Variants in DPP10 observed in about 807,000 individuals in gnomAD.
The protein encoded by DPP10 is dipeptidyl peptidase like 10, also known as inactive dipeptidyl peptidase 10.
DPP10 carries 33 observed loss-of-function variants against 120.9 expected under a neutral mutation model. The observed-to-expected ratio is 0.27, with a 90% CI of 0.21 to 0.37. The LOEUF (loss-of-function observed/expected upper bound fraction) is 0.37. Ranked by LOEUF, DPP10 falls within the 10% of genes least tolerant of loss-of-function variation. DPP10 has a pLI of 1.00. For missense variants in DPP10, 816 were observed against 942.8 expected, an observed-to-expected ratio of 0.87 and a Z score of 1.76; for synonymous variants, 337 against 326.1, an observed-to-expected ratio of 1.03 and a Z score of -0.36.
intron 1 of DPP10, among the ~76,000 whole-genome samples, chr2:114,879,890 G>A (rs961760209): frequency 6.6e-6 from 1 of 152,048 alleles, no homozygotes; most frequent in Non-Finnish European, 1.5e-5. Flanking sequence ...TTTTGAATTA[G>A]GCAGGAGAAC....
intron 1 of DPP10, among the ~76,000 whole-genome samples, chr2:114,614,842 C>A (rs1448750237): frequency 6.6e-6 from 1 of 152,086 alleles, no homozygotes; most frequent in Non-Finnish European, 1.5e-5. Context: ...ATAGCAAAAG[C>A]CTTTTCATTA....
chr2:115,010,264 G>A (rs532081730), intron 1 of DPP10, among the ~76,000 whole-genome samples: 3 of 152,326 alleles, frequency 2.0e-5, no homozygotes, highest in South Asian at 4.1e-4. Context: ...AAGTCAGGGA[G>A]ATGGAGGCAC....
chr2:115,309,205 A>G (rs2061483116), intron 1 of DPP10, 34 bp from the exon 2 acceptor site: 1 of 1,550,038 alleles, frequency 6.5e-7, no homozygotes, highest in Admixed American at 1.7e-5. Flanking sequence ...TTGGAGCATG[A>G]ATAATTACAA....
chr2:115,276,218 C>T (rs1005571290), intron 1 of DPP10, among the ~76,000 whole-genome samples: 2 of 152,042 alleles, frequency 1.3e-5, no homozygotes, highest in African/African-American at 4.8e-5. Flanking sequence ...ATACACAGAA[C>T]CCGGGCAATT....
chr2:114,510,458 G>T (rs933757491), intron 1 of DPP10, among the ~76,000 whole-genome samples: 21 of 152,064 alleles, frequency 1.4e-4, no homozygotes, highest in African/African-American at 4.8e-4. Flanking sequence ...ACAAAAATTA[G>T]CTGGGCATGG....
chr2:115,640,111 A>C (rs11901172), intron 5 of DPP10, among the ~76,000 whole-genome samples: 1,662 of 152,202 alleles, frequency 0.011, 27 homozygotes, highest in African/African-American at 0.039. Flanking sequence ...ATGGAGTAAA[A>C]GGCTTCAGGC....
intron 2 of DPP10, among the ~76,000 whole-genome samples, chr2:115,328,612 T>A (rs888980761): frequency 1.3e-5 from 2 of 152,082 alleles, no homozygotes; most frequent in African/African-American, 2.4e-5. Context: ...TGTGTGTTTG[T>A]ATGGGTTTTG....
At chr2:114,811,050 A>T (rs576844843) in intron 1 of DPP10, among the ~76,000 whole-genome samples, 1 of 152,180 alleles carries the variant, frequency 6.6e-6, no homozygotes, top group East Asian at 1.9e-4. Flanking sequence ...TTTCCCAGAG[A>T]TTTCTTCTAA....
intron 1 of DPP10, among the ~76,000 whole-genome samples, chr2:115,218,044 T>C (rs540367886): frequency 1.3e-5 from 2 of 152,304 alleles, no homozygotes; most frequent in South Asian, 4.1e-4. Flanking sequence ...ATGGTTTCAG[T>C]GTCTCAATTA....
At chr2:115,239,521 A>T (rs1032920227) in intron 1 of DPP10, among the ~76,000 whole-genome samples, 1 of 152,190 alleles carries the variant, frequency 6.6e-6, no homozygotes, top group Non-Finnish European at 1.5e-5. Flanking sequence ...TTTTGGCAAT[A>T]AAGTGTTTTC....
At chr2:115,196,797 G>A (rs1447736338) in intron 1 of DPP10, among the ~76,000 whole-genome samples, 1 of 152,196 alleles carries the variant, frequency 6.6e-6, no homozygotes, top group Non-Finnish European at 1.5e-5. Context: ...ATATGGATGT[G>A]TGGGTGTGGT....
At chr2:115,750,918 T>G (rs534378902) in intron 10 of DPP10, among the ~76,000 whole-genome samples, 2 of 152,268 alleles carry the variant, frequency 1.3e-5, no homozygotes, top group African/African-American at 2.4e-5. Flanking sequence ...TGTTTTGTTG[T>G]TGGTGGTATT....
chr2:114,873,558 G>T (rs1690879958), intron 1 of DPP10, among the ~76,000 whole-genome samples: 1 of 152,128 alleles, frequency 6.6e-6, no homozygotes, highest in Non-Finnish European at 1.5e-5. Context: ...TGCGTGCATG[G>T]ATGGAGCAGC....
intron 2 of DPP10, among the ~76,000 whole-genome samples, chr2:115,328,581 A>G (rs2062503666): frequency 6.6e-6 from 1 of 152,054 alleles, no homozygotes; most frequent in Non-Finnish European, 1.5e-5. Context: ...TAAGAGATGC[A>G]AGCTAGTTTG....
chr2:115,680,785 A>C (rs1023963638), intron 5 of DPP10, among the ~76,000 whole-genome samples: 2 of 151,932 alleles, frequency 1.3e-5, no homozygotes, highest in African/African-American at 2.4e-5. Context: ...AATAGGGTAA[A>C]ATGTTTACTA....
At chr2:115,473,953 A>T (rs948329498) in intron 3 of DPP10, among the ~76,000 whole-genome samples, 1 of 152,186 alleles carries the variant, frequency 6.6e-6, no homozygotes, top group African/African-American at 2.4e-5. Context: ...ACCTGGAACC[A>T]TTGAATTCCC....
intron 1 of DPP10, among the ~76,000 whole-genome samples, chr2:115,103,611 A>C (rs1001855525): frequency 1.3e-5 from 2 of 152,224 alleles, no homozygotes; most frequent in African/African-American, 4.8e-5. Flanking sequence ...AGAAAGGAAT[A>C]TAGATGATTA....
intron 3 of DPP10, among the ~76,000 whole-genome samples, chr2:115,352,243 A>G (rs1419479541): frequency 6.6e-6 from 1 of 152,154 alleles, no homozygotes; most frequent in Non-Finnish European, 1.5e-5. Flanking sequence ...ATATAAAACT[A>G]TATTTTGATT....
At chr2:114,461,629 AG>A (rs1454033964) in intron 1 of DPP10, 1 of 985,306 alleles carries the variant, frequency 1.0e-6, no homozygotes, top group Admixed American at 6.2e-5. Context: ...TAAGAAAGAC[AG>A]GGTAATATTT....
Sources: allele counts gnomAD v4.1 joint callset (sites outside exome capture counted in the v4.1 genomes callset), GRCh38; gene constraint gnomAD v4.1.1; transcripts MANE v1.5; gene names NCBI Gene and HGNC (gene_info 2026-07-23, HGNC 2026-07-21).